The following SLC44A1 variants were observed in gnomAD, a reference collection of about 807,000 sequenced individuals.
SLC44A1 encodes the protein choline transporter-like protein 1.
In SLC44A1, 26 loss-of-function variants were observed where a neutral mutation model predicts 79.3. The observed-to-expected ratio is 0.33, with a 90% CI of 0.24 to 0.46. The LOEUF (loss-of-function observed/expected upper bound fraction) is 0.46. SLC44A1 is among the 20% of genes least tolerant of loss of function. SLC44A1 has a pLI of 1.00. For synonymous variants in SLC44A1, 263 were observed against 286.2 expected (o/e 0.92, Z 0.82); for missense variants, 688 against 798.1 (o/e 0.86, Z 1.66).
chr9:105,424,942 C>G (rs1588879834), intron 15 of SLC44A1, among the ~76,000 whole-genome samples: 1 of 133,314 alleles, frequency 7.5e-6, no homozygotes, highest in Non-Finnish European at 1.5e-5. Context: ...GAGTAAGACT[C>G]CATCTCAAAA....
intron 15 of SLC44A1, among the ~76,000 whole-genome samples, chr9:105,411,446 C>CTGTGTGTG (rs1156343764): frequency 8.5e-4 from 121 of 142,780 alleles, no homozygotes; most frequent in African/African-American, 3.1e-3. Flanking sequence ...TGGTCTCTCT[C>CTGTGTGTG]TGTGTATGTG....
At position 105,394,072 on chromosome 9, in the gene SLC44A1, T is replaced by C; in HGVS notation, c.*5016T>C. The C allele has an allele frequency of 1.0e-6, 1 of 985,164 alleles. No individual in the cohort carries two copies. Among genetic ancestry groups the C allele is most frequent in the Non-Finnish European group, 1.2e-6 (1 of 829,658 alleles). The allele number at this position is 985,164 out of a possible 1,614,324, so 61.0% of individuals were successfully genotyped here. ...ATCTTTCCTTCAAATGCACATCACA[T>C]GTCTGTGAACACTCAAAATGCTCAT... On this transcript the variant is annotated 3_prime_UTR_variant, in exon 16 of 16. Transcript: ENST00000374720.
chr9:105,300,072 G>T (rs140928977), intron 2 of SLC44A1: 7 of 303,470 alleles, frequency 2.3e-5, no homozygotes, highest in Middle Eastern at 1.6e-3. Flanking sequence ...TTTTTAAAGC[G>T]GTCTGATATT....
At chr9:105,293,860 G>A (rs1830658758) in intron 1 of SLC44A1, among the ~76,000 whole-genome samples, 1 of 152,088 alleles carries the variant, frequency 6.6e-6, no homozygotes, top group African/African-American at 2.4e-5. Context: ...GAAGGCCTTG[G>A]GTTTAGTTAT....
intron 15 of SLC44A1, among the ~76,000 whole-genome samples, chr9:105,402,794 A>C (rs976212759): frequency 6.6e-6 from 1 of 152,120 alleles, no homozygotes; most frequent in Admixed American, 6.6e-5. Context: ...GTCTGTTTAT[A>C]TATTTATGCT....
At chr9:105,307,643 T>TAA (rs35472593) in intron 2 of SLC44A1, among the ~76,000 whole-genome samples, 24 of 139,214 alleles carry the variant, frequency 1.7e-4, no homozygotes, top group African/African-American at 5.3e-4. Flanking sequence ...GACTCCATCT[T>TAA]AAAAAAAAAA....
At chr9:105,428,069 C>T (rs1358664509) in intron 15 of SLC44A1, among the ~76,000 whole-genome samples, 1 of 152,000 alleles carries the variant, frequency 6.6e-6, no homozygotes, top group Non-Finnish European at 1.5e-5. Flanking sequence ...AGTAGCAAAT[C>T]TTTTTCCTTC....
chr9:105,337,378 G>C (rs1251920867), intron 4 of SLC44A1, among the ~76,000 whole-genome samples: 2 of 152,144 alleles, frequency 1.3e-5, no homozygotes, highest in Non-Finnish European at 2.9e-5. Flanking sequence ...TCATAGGATG[G>C]TTATGAGGAC....
At chr9:105,417,197 G>A (rs994951380) in intron 15 of SLC44A1, among the ~76,000 whole-genome samples, 4 of 152,128 alleles carry the variant, frequency 2.6e-5, no homozygotes, top group African/African-American at 4.8e-5. Flanking sequence ...CAAACACTGA[G>A]CACTGGTTCC....
At chr9:105,267,976 G>A (rs943042614) in intron 1 of SLC44A1, among the ~76,000 whole-genome samples, 2 of 152,112 alleles carry the variant, frequency 1.3e-5, no homozygotes. Flanking sequence ...CTCCTGGAAA[G>A]GATATTAATC....
intron 1 of SLC44A1, among the ~76,000 whole-genome samples, chr9:105,282,065 A>C (rs1484182349): frequency 6.6e-6 from 1 of 152,202 alleles, no homozygotes; most frequent in African/African-American, 2.4e-5. Flanking sequence ...GCTGGTGGGC[A>C]AGATAAATTG....
intron 12 of SLC44A1, among the ~76,000 whole-genome samples, chr9:105,369,261 G>A (rs1318879753): frequency 6.6e-6 from 1 of 152,164 alleles, no homozygotes; most frequent in Non-Finnish European, 1.5e-5. Context: ...TAGTTGATGA[G>A]AACTATTCCA....
Position 105,391,298 on chromosome 9 carries a change from A to G in SLC44A1, c.*2242A>G. The G allele has an allele frequency of 1.0e-6, 1 of 985,844 alleles. No homozygotes were observed. Among genetic ancestry groups the G allele is most frequent in the African/African-American group, 1.7e-5 (1 of 57,366 alleles). The allele number at this position is 985,844 out of a possible 1,614,324, so 61.1% of individuals were successfully genotyped here. ...GGAATGCTTTCTAATTATCATTTGC[A>G]ACTAGAACTGTAATCAGAAAGAAAT... On this transcript the variant is annotated 3_prime_UTR_variant, in exon 16 of 16. Coordinates refer to ENST00000374720, the MANE Select transcript of SLC44A1 (RefSeq NM_080546.5).
chr9:105,376,449 C>T (rs530916738), intron 13 of SLC44A1, among the ~76,000 whole-genome samples: 198 of 151,772 alleles, frequency 1.3e-3, no homozygotes, highest in African/African-American at 4.6e-3. Flanking sequence ...TTTCGGCTCA[C>T]TGCAACCTCC....
Position 105,299,221 on chromosome 9 carries a change from G to T in SLC44A1, c.38G>T (p.Ser13Ile). 1.3e-6 allele frequency: 2 copies of T among 1,585,956 alleles called. No individual in the cohort carries two copies. The highest frequency in any genetic ancestry group is 2.3e-5 in the South Asian group (2 of 85,994). Reference protein sequence around the residue: ...CCSSASSAAQSSKREWKPLED... With the variant: ...CCSSASSAAQISKREWKPLED... ...CTCTTATTTTGTATTTCCAATTAGA[G>T]CTCCAAACGAGAATGGAAGCCGCTG... Residue 13 changes from serine to isoleucine, a missense_variant and splice_region_variant, in exon 2 of 16, where the codon AGC (serine) becomes ATC (isoleucine). Transcript: ENST00000374720.
At chr9:105,245,922 G>A (rs1829432204) in intron 1 of SLC44A1, among the ~76,000 whole-genome samples, 1 of 152,168 alleles carries the variant, frequency 6.6e-6, no homozygotes, top group Non-Finnish European at 1.5e-5. Flanking sequence ...TAATTTAGTG[G>A]ATTAGCGAGT....
In SLC44A1 at chr9:105,354,039, C is replaced by CTTTT. The variant is rs556502972; in HGVS notation, c.501-2147_501-2144dup. ...TTGACTTAGAAATTTACAGTTAATC[C>CTTTT]TTTTTTTTTTTTTTTTTTTTTTTTT... On this transcript the variant is annotated intron_variant, in intron 5 of 15. Coordinates refer to ENST00000374720, the MANE Select transcript of SLC44A1 (RefSeq NM_080546.5). Among the ~76,000 whole-genome samples the CTTTT allele has an allele frequency of 5.7e-4, 56 of 98,482 alleles. 2 individuals are homozygous for CTTTT. Among genetic ancestry groups the CTTTT allele is most frequent in the African/African-American group, 8.1e-4 (16 of 19,764 alleles). 64.6% of individuals were successfully genotyped at this position (98,482 alleles called of 152,430 possible).
At chr9:105,322,806 A>G (rs1452004101) in intron 3 of SLC44A1, among the ~76,000 whole-genome samples, 2 of 152,210 alleles carry the variant, frequency 1.3e-5, no homozygotes, top group African/African-American at 4.8e-5. Flanking sequence ...TCAATGTTCT[A>G]CTTTGTATAA....
intron 12 of SLC44A1, among the ~76,000 whole-genome samples, chr9:105,373,398 G>C (rs147588334): frequency 6.6e-6 from 1 of 151,990 alleles, no homozygotes; most frequent in East Asian, 1.9e-4. Context: ...TGCTGTTCTA[G>C]AATGTAACAT....
Sources: gnomAD v4.1 joint callset for allele counts (sites outside exome capture counted in the v4.1 genomes callset) on GRCh38, gnomAD v4.1.1 for gene constraint, MANE v1.5 for transcripts, NCBI Gene and HGNC (gene_info 2026-07-23, HGNC 2026-07-21) for gene names.